The following ATP2B4 variants were observed in gnomAD, a reference collection of about 807,000 sequenced individuals.
The protein encoded by ATP2B4 is ATPase plasma membrane Ca2+ transporting 4, also known as plasma membrane calcium-transporting ATPase 4.
Under a neutral mutation model 110.3 loss-of-function variants are expected in ATP2B4, and 39 were observed. The observed-to-expected ratio is 0.35, with a 90% confidence interval of 0.27 to 0.46. The LOEUF (loss-of-function observed/expected upper bound fraction) is 0.46, where lower values mean the gene tolerates loss of function less well. Ranked by LOEUF, ATP2B4 falls within the 20% of genes least tolerant of loss-of-function variation. The pLI is 1.00. For synonymous variants in ATP2B4, 538 were observed against 571.7 expected, an observed-to-expected ratio of 0.94 and a Z score of 0.84; for missense variants, 1,135 against 1,530.9, an observed-to-expected ratio of 0.74 and a Z score of 4.32.
In ATP2B4 at chr1:203,683,358, AC is replaced by A. The variant is rs1371804226; in HGVS notation, c.154del (p.Gln52ArgfsTer7). 6.2e-7 allele frequency: 1 copy of A among 1,614,028 alleles called. No homozygotes were observed. Among genetic ancestry groups the A allele is most frequent in the East Asian group, 2.2e-5 (1 of 44,874 alleles). On this transcript the variant is annotated frameshift_variant, in exon 2 of 21. Transcript: ENST00000357681. LOFTEE classifies it high-confidence loss of function. ...TQINVHYGGV[Q>X]NLCSRLKTSP... ...AGATTAATGTCCACTATGGAGGTGT[AC>A]AGAATCTCTGCAGTAGACTGAAAAC... is the stretch of plus-strand genomic sequence containing the variant.
intron 20 of ATP2B4, among the ~76,000 whole-genome samples, chr1:203,734,167 G>T (rs1666816584): frequency 1.3e-5 from 2 of 152,012 alleles, no homozygotes; most frequent in African/African-American, 4.8e-5. Flanking sequence ...TGGGCGTGGT[G>T]GCGGGCACCT....
chr1:203,627,156 C>T lies in ATP2B4; in HGVS notation c.-528C>T, dbSNP rs1277624406. 5 of 152,268 alleles carry T rather than the reference C, an allele frequency of 3.3e-5. No individual in the cohort carries two copies. Among genetic ancestry groups the T allele is most frequent in the Non-Finnish European group, 7.3e-5 (5 of 68,050 alleles). The allele number at this position is 152,268 out of a possible 1,614,324, so 9.4% of individuals were successfully genotyped here. A position where few individuals can be genotyped will look rare whatever the true frequency, so the allele number is the denominator to read the frequency against. ...GTGGGTGGTCACCCCACCCTACCCT[C>T]ATCCATGGAAACCCGGAGGGAGAGT... On this transcript the variant is annotated 5_prime_UTR_variant, in exon 1 of 21. Coordinates refer to ENST00000357681, the MANE Select transcript of ATP2B4 (RefSeq NM_001684.5).
Position 203,740,084 on chromosome 1 carries a change from G to A in ATP2B4, c.*230G>A. ...CGGGACCCAGTCAAACCCCATTCAG[G>A]TCATGGTAGAATCTACTCCTTGGTA... On this transcript the variant is annotated 3_prime_UTR_variant, in exon 21 of 21. Coordinates refer to ENST00000357681, the MANE Select transcript of ATP2B4 (RefSeq NM_001684.5). 1.9e-6 allele frequency: 1 copy of A among 535,448 alleles called. No individual in the cohort carries two copies. Among genetic ancestry groups the A allele is most frequent in the Non-Finnish European group, 3.3e-6 (1 of 304,298 alleles). The allele number at this position is 535,448 out of a possible 1,614,324, so 33.2% of individuals were successfully genotyped here.
rs75561225 is a variant in ATP2B4 at position 203,694,858 on chromosome 1, A to G, written c.194-3299A>G. ...ATGAGAGAGGATGGTTTAGACCAGG[A>G]TGATAACAGTGAAAATGGAAAGTGA... On this transcript the variant is annotated intron_variant, in intron 2 of 20. Coordinates refer to ENST00000357681, the MANE Select transcript of ATP2B4 (RefSeq NM_001684.5). 9.2e-5 allele frequency among the ~76,000 whole-genome samples: 14 copies of G among 152,294 alleles called. No individual in the cohort carries two copies. In the East Asian group the frequency reaches 2.5e-3, roughly 27 times the overall value.
In ATP2B4 at chr1:203,683,334, G is replaced by C; in HGVS notation, c.129G>C (p.Gln43His). The part of the protein sequence containing the change: ...MELRSRDALT[Q>H]INVHYGGVQN... The stretch of plus-strand genomic sequence containing the variant: ...TGCGTTCAAGGGATGCACTGACCCA[G>C]ATTAATGTCCACTATGGAGGTGTAC... Residue 43 changes from glutamine to histidine, a missense_variant, in exon 2 of 21, where the codon CAG becomes CAC. Transcript: ENST00000357681. 2.5e-6 allele frequency: 4 copies of C among 1,614,214 alleles called. No homozygotes were observed. The highest frequency in any genetic ancestry group is 2.5e-6 in the Non-Finnish European group (3 of 1,180,038).
Position 203,682,951 on chromosome 1 carries a change from C to T in ATP2B4, c.-255C>T, listed in dbSNP as rs1298851883. Reference sequence around the variant, plus strand: ...CCTGGGGACACCAATCATCGTGACACGGAGTCCACCTTCCACTCAGTTCCC... The same window carrying T: ...CCTGGGGACACCAATCATCGTGACATGGAGTCCACCTTCCACTCAGTTCCC... On this transcript the variant is annotated 5_prime_UTR_variant, in exon 2 of 21. It adds an upstream start codon to the 5' untranslated region. Transcript: ENST00000357681. 3 of 404,024 alleles carry T rather than the reference C, an allele frequency of 7.4e-6. No homozygotes were observed. The highest frequency in any genetic ancestry group is 4.5e-5 in the East Asian group (1 of 22,334). 25.0% of individuals were successfully genotyped at this position (404,024 alleles called of 1,614,324 possible). A position where few individuals can be genotyped will look rare whatever the true frequency, so the allele number is the denominator to read the frequency against.
chr1:203,729,800 A>G, intron 20 of ATP2B4: 3 of 1,308,812 alleles, frequency 2.3e-6, no homozygotes, highest in Non-Finnish European at 3.0e-6. Context: ...AGCTCACCAG[A>G]AGGTGCTTTA....
intron 20 of ATP2B4, chr1:203,729,822 G>T (rs1034873852): frequency 3.6e-5 from 46 of 1,286,772 alleles, no homozygotes; most frequent in Non-Finnish European, 4.6e-5. Context: ...AGTGGTCCTT[G>T]GTTTGTCTCT....
At chr1:203,658,558 A>G (rs1664236547) in intron 1 of ATP2B4, among the ~76,000 whole-genome samples, 1 of 151,832 alleles carries the variant, frequency 6.6e-6, no homozygotes, top group Non-Finnish European at 1.5e-5. Flanking sequence ...AGAAAAAGAA[A>G]CGAAGACGGG....
Position 203,723,865 on chromosome 1 carries a change from C to T in ATP2B4, c.3025-16C>T. ...GTCATTTCCTTGATGGTGGGCTGCCCCTTTCTCTGTTCTAGATTTTCATCG... is the reference window on the plus strand; with the variant it reads ...GTCATTTCCTTGATGGTGGGCTGCCTCTTTCTCTGTTCTAGATTTTCATCG... On this transcript the variant is annotated splice_polypyrimidine_tract_variant and intron_variant, in intron 18 of 20. Coordinates refer to ENST00000357681, the MANE Select transcript of ATP2B4 (RefSeq NM_001684.5). 4 of 1,587,904 alleles carry T rather than the reference C, an allele frequency of 2.5e-6. No individual in the cohort carries two copies. Among genetic ancestry groups the T allele is most frequent in the Non-Finnish European group, 3.4e-6 (4 of 1,166,898 alleles).
chr1:203,705,491 G>A (rs906122705), intron 8 of ATP2B4, among the ~76,000 whole-genome samples: 5 of 152,148 alleles, frequency 3.3e-5, no homozygotes, highest in East Asian at 1.9e-4. Flanking sequence ...CTCCACCTCC[G>A]GGGTTCAAGT....
chr1:203,700,365 C>G, intron 5 of ATP2B4, 34 bp downstream of exon 5: 1 of 1,594,982 alleles, frequency 6.3e-7, no homozygotes, highest in Non-Finnish European at 8.5e-7. Context: ...TCCCATTTAC[C>G]TCCCTGCAAA....
At chr1:203,665,109 G>A (rs1024781956) in intron 1 of ATP2B4, among the ~76,000 whole-genome samples, 3 of 152,148 alleles carry the variant, frequency 2.0e-5, no homozygotes, top group African/African-American at 7.2e-5. Flanking sequence ...GTGAGCCACC[G>A]CACCCGGCCC....
At chr1:203,733,763 T>A in intron 20 of ATP2B4, 2 of 201,532 alleles carry the variant, frequency 9.9e-6, no homozygotes, top group Non-Finnish European at 2.0e-5. Flanking sequence ...TCTCTTCTCC[T>A]CCTGCTCCTT....
Position 203,670,368 on chromosome 1 carries a change from G to A in ATP2B4, c.-464-12374G>A, listed in dbSNP as rs541681758. On this transcript the variant is annotated intron_variant, in intron 1 of 20. Coordinates refer to ENST00000357681, the MANE Select transcript of ATP2B4 (RefSeq NM_001684.5). Reference sequence around the variant, plus strand: ...TAATTTTTGTATTTTTGGTAGAGACGGGGTTTCGCCATGTTGGCCAGACTG... The same window carrying A: ...TAATTTTTGTATTTTTGGTAGAGACAGGGTTTCGCCATGTTGGCCAGACTG... Among the ~76,000 whole-genome samples the A allele has an allele frequency of 9.9e-5, 15 of 152,170 alleles. 1 individual carries two copies. The highest frequency in any genetic ancestry group is 2.0e-4 in the Admixed American group (3 of 15,288).
At chr1:203,656,115 C>T (rs1399268496) in intron 1 of ATP2B4, among the ~76,000 whole-genome samples, 1 of 151,586 alleles carries the variant, frequency 6.6e-6, no homozygotes, top group East Asian at 1.9e-4. Flanking sequence ...TACAGCCATC[C>T]TTAAAGCCAC....
At chr1:203,664,827 T>C (rs1310681021) in intron 1 of ATP2B4, among the ~76,000 whole-genome samples, 1 of 152,116 alleles carries the variant, frequency 6.6e-6, no homozygotes, top group East Asian at 1.9e-4. Context: ...TAAGGTACTT[T>C]TATTTTATTT....
At chr1:203,735,832 T>C (rs1283296960) in intron 20 of ATP2B4, among the ~76,000 whole-genome samples, 1 of 152,174 alleles carries the variant, frequency 6.6e-6, no homozygotes, top group Non-Finnish European at 1.5e-5. Flanking sequence ...CATCCCTTTC[T>C]GATAGGAAGG....
At chr1:203,693,148 A>G (rs368450920) in intron 2 of ATP2B4, among the ~76,000 whole-genome samples, 2 of 152,200 alleles carry the variant, frequency 1.3e-5, no homozygotes, top group Non-Finnish European at 1.5e-5. Flanking sequence ...CACTGCAGAG[A>G]TCAGGGCCTT....
Sources: gnomAD v4.1 joint callset for allele counts (sites outside exome capture counted in the v4.1 genomes callset) on GRCh38, gnomAD v4.1.1 for gene constraint, MANE v1.5 for transcripts, NCBI Gene and HGNC (gene_info 2026-07-23, HGNC 2026-07-21) for gene names.